RSPH14: variants seen among roughly 807,000 people sequenced by gnomAD.
The protein encoded by RSPH14 is radial spoke head 14 homolog.
A neutral mutation model predicts 26.7 loss-of-function variants in RSPH14; 20 were observed. That is an observed-to-expected ratio of 0.75 (90% CI 0.53 to 1.09). The LOEUF (loss-of-function observed/expected upper bound fraction) is 1.09. Among genes scored for constraint, RSPH14 ranks in the 50% least tolerant of loss-of-function variants. The pLI is 0.00. For synonymous variants in RSPH14, 177 were observed against 189.3 expected, an observed-to-expected ratio of 0.93 and a Z score of 0.53; for missense variants, 449 against 457.2, an observed-to-expected ratio of 0.98 and a Z score of 0.16.
chr22:23,123,894 C>T (rs1014736386), intron 4 of RSPH14: 3 of 213,178 alleles, frequency 1.4e-5, no homozygotes, highest in South Asian at 8.0e-5. Context: ...GGGACCTTGC[C>T]GCTGACCAAG....
At chr22:23,123,023 C>G in intron 4 of RSPH14, 2 of 1,069,632 alleles carry the variant, frequency 1.9e-6, no homozygotes, top group Non-Finnish European at 2.8e-6. Flanking sequence ...GGCAGGGCTG[C>G]AGGTCTAGGG....
chr22:23,177,512 T>C, the RSPH14 span, among the ~76,000 whole-genome samples: 2 of 152,072 alleles, frequency 1.3e-5, no homozygotes, highest in African/African-American at 4.8e-5. Flanking sequence ...GAACAGACAC[T>C]GAGTGGGGGA....
intron 4 of RSPH14, among the ~76,000 whole-genome samples, chr22:23,116,186 G>C (rs1199989190): frequency 6.6e-6 from 1 of 152,262 alleles, no homozygotes; most frequent in Non-Finnish European, 1.5e-5. Context: ...GGGGCACAGG[G>C]CAACAGGCTG....
At chr22:23,082,007 C>T (rs2068693530) in intron 4 of RSPH14, among the ~76,000 whole-genome samples, 1 of 150,582 alleles carries the variant, frequency 6.6e-6, no homozygotes. Context: ...CACCTGTAGT[C>T]CTAGCTACTT....
the RSPH14 span, chr22:23,157,855 T>A: frequency 3.2e-6 from 5 of 1,545,710 alleles, no homozygotes; most frequent in Non-Finnish European, 4.4e-6. Context: ...TCAGCCTTCA[T>A]TGTAGGAGGT....
intron 4 of RSPH14, among the ~76,000 whole-genome samples, chr22:23,079,288 C>T (rs2068605162): frequency 6.6e-6 from 1 of 152,328 alleles, no homozygotes; most frequent in South Asian, 2.1e-4. Context: ...AGGGAGGCCT[C>T]CTAAGGAAGG....
At chr22:23,162,707 C>A in the RSPH14 span, 3 of 456,188 alleles carry the variant, frequency 6.6e-6, no homozygotes, top group Non-Finnish European at 1.3e-5. Context: ...CTCATCCCAC[C>A]CGTCTCGTGC....
At chr22:23,143,561 C>T (rs1310907690), upstream of RSPH14, among the ~76,000 whole-genome samples, 1 of 152,052 alleles carries the variant, frequency 6.6e-6, no homozygotes, top group Non-Finnish European at 1.5e-5. Flanking sequence ...CTAGTGAATC[C>T]CCTAGAATTT....
chr22:23,116,717 C>G (rs1472535712), intron 4 of RSPH14, among the ~76,000 whole-genome samples: 1 of 152,214 alleles, frequency 6.6e-6, no homozygotes, highest in Non-Finnish European at 1.5e-5. Context: ...ACCCCCAGCC[C>G]AGGCGCTTGT....
In RSPH14 at chr22:23,137,018, C is replaced by T. The variant is rs922367270; in HGVS notation, c.302+1822G>A. Among the ~76,000 whole-genome samples, 10 of 138,892 alleles carry T rather than the reference C, an allele frequency of 7.2e-5. 3 individuals are homozygous for T. Among genetic ancestry groups the T allele is most frequent in the African/African-American group, 1.5e-4 (6 of 39,004 alleles). 91.1% of individuals were successfully genotyped at this position (138,892 alleles called of 152,430 possible). A position where few individuals can be genotyped will look rare whatever the true frequency, so the allele number is the denominator to read the frequency against. Reference sequence around the variant, plus strand: ...CCAGCCTGCCCTTCTTGGTACAAAGCATGTGAATTAGGGTGCTAGCCATGG... The same window carrying T: ...CCAGCCTGCCCTTCTTGGTACAAAGTATGTGAATTAGGGTGCTAGCCATGG... On this transcript the variant is annotated intron_variant, in intron 3 of 6. Coordinates refer to ENST00000216036, the MANE Select transcript of RSPH14 (RefSeq NM_014433.3).
intron 4 of RSPH14, among the ~76,000 whole-genome samples, chr22:23,080,031 G>A (rs948753516): frequency 3.9e-5 from 6 of 152,164 alleles, no homozygotes; most frequent in African/African-American, 9.7e-5. Context: ...TTCCTTCCCT[G>A]GGGAAACTGG....
chr22:23,094,240 GT>G (rs1334992418), intron 4 of RSPH14, among the ~76,000 whole-genome samples: 2 of 152,090 alleles, frequency 1.3e-5, no homozygotes, highest in Non-Finnish European at 2.9e-5. Flanking sequence ...GTGCGTGTGA[GT>G]TGGGTGGGGC....
At chr22:23,131,596 G>A (rs2070360677) in intron 4 of RSPH14, 1 of 1,302,852 alleles carries the variant, frequency 7.7e-7, no homozygotes, top group African/African-American at 1.5e-5. Flanking sequence ...ATCATTGTAA[G>A]AGGACTGGTT....
the RSPH14 span, among the ~76,000 whole-genome samples, chr22:23,169,091 G>A: frequency 6.6e-6 from 1 of 152,204 alleles, no homozygotes; most frequent in African/African-American, 2.4e-5. Flanking sequence ...ATCAATAATT[G>A]ATTCTGCAGA....
chr22:23,142,043 G>A (rs2146460529), upstream of RSPH14: 1 of 985,476 alleles, frequency 1.0e-6, no homozygotes, highest in Non-Finnish European at 1.2e-6. Context: ...CTCCAGCAGC[G>A]TCCGCGGCGC....
intron 4 of RSPH14, among the ~76,000 whole-genome samples, chr22:23,099,214 C>G (rs567713304): frequency 6.6e-6 from 1 of 152,254 alleles, no homozygotes; most frequent in Admixed American, 6.5e-5. Flanking sequence ...CTCTGGGCTC[C>G]CGGGTGTGAG....
chr22:23,059,566 TG>T lies in RSPH14; in HGVS notation c.942del (p.Thr315LeufsTer43). 2 of 1,614,174 alleles carry T rather than the reference TG, an allele frequency of 1.2e-6. No individual in the cohort carries two copies. The highest frequency in any genetic ancestry group is 8.5e-7 in the Non-Finnish European group (1 of 1,180,004). ...EGRKALQTHV[P>X]TFRAMEVETY... ...GTCTCCACCTCCATGGCACGGAAAG[TG>T]GGCACGTGCGTCTGCAGGGCCTTGC... On this transcript the variant is annotated frameshift_variant, in exon 7 of 7. Coordinates refer to ENST00000216036, the MANE Select transcript of RSPH14 (RefSeq NM_014433.3). LOFTEE classifies it low-confidence loss of function (END_TRUNC).
At chr22:23,080,746 C>CATTTTT (rs1195352353) in intron 4 of RSPH14, among the ~76,000 whole-genome samples, 1 of 152,236 alleles carries the variant, frequency 6.6e-6, no homozygotes, top group Non-Finnish European at 1.5e-5. Flanking sequence ...CGTATGCTCT[C>CATTTTT]ATTTTTCAAA....
At chr22:23,085,970 G>C (rs1601771608) in intron 4 of RSPH14, among the ~76,000 whole-genome samples, 1 of 152,256 alleles carries the variant, frequency 6.6e-6, no homozygotes, top group African/African-American at 2.4e-5. Flanking sequence ...AATCCCCGCT[G>C]TTTAAGCAAC....
Sources: gnomAD v4.1 joint callset for allele counts (sites outside exome capture counted in the v4.1 genomes callset) on GRCh38, gnomAD v4.1.1 for gene constraint, MANE v1.5 for transcripts, NCBI Gene and HGNC (gene_info 2026-07-23, HGNC 2026-07-21) for gene names.